The following STX8 variants were observed in gnomAD, a reference collection of about 807,000 sequenced individuals.
The protein encoded by STX8 is syntaxin 8.
Under a neutral mutation model 37.5 loss-of-function variants are expected in STX8, and 23 were observed. The ratio of observed to expected loss-of-function variants is 0.61; its 90% CI spans 0.44 to 0.87. The LOEUF is 0.87. STX8 is among the 40% of genes least tolerant of loss of function. STX8 has a pLI of 0.00. For synonymous variants in STX8, 115 were observed against 99.1 expected (o/e 1.16, Z -0.95); for missense variants, 313 against 284.7 (o/e 1.10, Z -0.71).
At chr17:9,532,156 G>A (rs1905844940) in intron 4 of STX8, among the ~76,000 whole-genome samples, 1 of 149,272 alleles carries the variant, frequency 6.7e-6, no homozygotes, top group African/African-American at 2.5e-5. Flanking sequence ...CCTATCCCAT[G>A]GTGAGGGAAA....
intron 4 of STX8, among the ~76,000 whole-genome samples, chr17:9,528,327 C>CT (rs1331522890): frequency 2.6e-5 from 4 of 152,148 alleles, no homozygotes; most frequent in Non-Finnish European, 5.9e-5. Context: ...GACACGGACT[C>CT]TCGCTCTGTC....
At chr17:9,372,172 A>T (rs967093496) in intron 7 of STX8, among the ~76,000 whole-genome samples, 2 of 152,154 alleles carry the variant, frequency 1.3e-5, no homozygotes, top group Non-Finnish European at 2.9e-5. Flanking sequence ...GCAAATTCAC[A>T]TGTGGGCCTT....
intron 3 of STX8, chr17:9,557,040 A>T (rs914858367): frequency 1.8e-5 from 3 of 167,146 alleles, no homozygotes; most frequent in African/African-American, 7.1e-5. Context: ...GATCATTAAA[A>T]ACTCTGGAAA....
intron 6 of STX8, among the ~76,000 whole-genome samples, chr17:9,442,314 G>T (rs558495462): frequency 6.6e-6 from 1 of 152,220 alleles, no homozygotes; most frequent in South Asian, 2.1e-4. Flanking sequence ...TGTCATGACT[G>T]AACTACTTCA....
chr17:9,442,089 C>T (rs1369838876), intron 6 of STX8, among the ~76,000 whole-genome samples: 1 of 152,162 alleles, frequency 6.6e-6, no homozygotes, highest in African/African-American at 2.4e-5. Flanking sequence ...TGAGAGCACC[C>T]CACGTGTCTT....
At chr17:9,340,846 G>A (rs8064873) in intron 7 of STX8, among the ~76,000 whole-genome samples, 46,144 of 149,392 alleles carry the variant, frequency 0.31, 7,325 homozygotes, top group African/African-American at 0.33. Flanking sequence ...TAGTAGAGAC[G>A]GGGTTTCTCC....
intron 2 of STX8, among the ~76,000 whole-genome samples, chr17:9,566,733 G>A (rs1399777193): frequency 1.3e-5 from 2 of 151,948 alleles, no homozygotes; most frequent in Admixed American, 1.3e-4. Context: ...GATGCAGTGA[G>A]CCGAGATTGC....
At chr17:9,465,937 C>T (rs1238365834) in intron 6 of STX8, among the ~76,000 whole-genome samples, 2 of 151,988 alleles carry the variant, frequency 1.3e-5, no homozygotes, top group East Asian at 1.9e-4. Flanking sequence ...TCTCTGATTC[C>T]AAAGCCCTTG....
chr17:9,487,747 A>C (rs1213609751), intron 6 of STX8, among the ~76,000 whole-genome samples: 1 of 152,136 alleles, frequency 6.6e-6, no homozygotes, highest in Non-Finnish European at 1.5e-5. Context: ...AAGCAGCAAA[A>C]GGGATAGGGG....
intron 7 of STX8, among the ~76,000 whole-genome samples, chr17:9,350,567 C>T (rs1319861886): frequency 6.6e-6 from 1 of 151,822 alleles, no homozygotes; most frequent in Non-Finnish European, 1.5e-5. Flanking sequence ...GACGGAGTCT[C>T]TGTTGCCCAG....
intron 7 of STX8, among the ~76,000 whole-genome samples, chr17:9,353,268 T>C (rs865979826): frequency 3.3e-4 from 50 of 152,338 alleles, no homozygotes; most frequent in African/African-American, 1.1e-3. Flanking sequence ...TGCGCTTCCT[T>C]GATCTCAGAC....
At chr17:9,276,299 G>A (rs1907673677) in intron 7 of STX8, among the ~76,000 whole-genome samples, 1 of 152,106 alleles carries the variant, frequency 6.6e-6, no homozygotes, top group Non-Finnish European at 1.5e-5. Flanking sequence ...CCTAACGAAG[G>A]GAACATGTTT....
At chr17:9,340,955 C>T (rs1435845655) in intron 7 of STX8, among the ~76,000 whole-genome samples, 2 of 148,318 alleles carry the variant, frequency 1.3e-5, no homozygotes, top group African/African-American at 4.9e-5. Context: ...CCGCACCCAG[C>T]TGAAATGATT....
Position 9,279,068 on chromosome 17 carries a change from G to T in STX8, c.644-28423C>A, listed in dbSNP as rs1283131096. 9.2e-4 allele frequency among the ~76,000 whole-genome samples: 133 copies of T among 144,840 alleles called. 1 individual carries two copies. Among genetic ancestry groups the T allele is most frequent in the Middle Eastern group, 3.5e-3 (1 of 288 alleles). On this transcript the variant is annotated intron_variant, in intron 7 of 7. Coordinates refer to ENST00000306357, the MANE Select transcript of STX8 (RefSeq NM_004853.3). ...TCTGTGTGTGTGTTTTTTGTTTTTT[G>T]TTTTTTTTTTTTGAGATGGGGTTTC...
chr17:9,276,152 A>G (rs1390634432), intron 7 of STX8, among the ~76,000 whole-genome samples: 1 of 152,084 alleles, frequency 6.6e-6, no homozygotes, highest in South Asian at 2.1e-4. Context: ...GGGCAAGTTC[A>G]GCCGATCCAC....
intron 6 of STX8, among the ~76,000 whole-genome samples, chr17:9,442,182 T>A (rs542967878): frequency 6.6e-5 from 10 of 152,338 alleles, no homozygotes; most frequent in Middle Eastern, 3.4e-3. Flanking sequence ...TTGTCATCTA[T>A]GCAGCTGCCT....
chr17:9,363,906 ATAAAGGTTTTCCAATT>A (rs1378233073), intron 7 of STX8, among the ~76,000 whole-genome samples: 2 of 152,204 alleles, frequency 1.3e-5, no homozygotes, highest in Non-Finnish European at 2.9e-5. Context: ...TCTATTATAA[ATAAAGGTTTTCCAATT>A]TTGCACTTCT....
chr17:9,564,934 G>A (rs757977958), intron 2 of STX8, among the ~76,000 whole-genome samples: 2 of 152,182 alleles, frequency 1.3e-5, no homozygotes, highest in African/African-American at 2.4e-5. Flanking sequence ...TGGGCCGGGC[G>A]CAGTGGCTCA....
At chr17:9,471,276 C>T (rs1953511339) in intron 6 of STX8, among the ~76,000 whole-genome samples, 2 of 150,680 alleles carry the variant, frequency 1.3e-5, no homozygotes, top group South Asian at 2.1e-4. Context: ...CTCAGCTTCC[C>T]GAGTAGCTGG....
Sources: allele counts gnomAD v4.1 joint callset (sites outside exome capture counted in the v4.1 genomes callset), GRCh38; gene constraint gnomAD v4.1.1; transcripts MANE v1.5; gene names NCBI Gene and HGNC (gene_info 2026-07-23, HGNC 2026-07-21).